The following CLASP1 variants were observed in gnomAD, a reference collection of about 807,000 sequenced individuals.
CLASP1 encodes cytoplasmic linker associated protein 1, also known as CLIP-associating protein 1.
Under a neutral mutation model 192.3 loss-of-function variants are expected in CLASP1, and 38 were observed. The observed-to-expected ratio is 0.20, with a 90% CI of 0.15 to 0.26. CLASP1 has a LOEUF of 0.26. Ranked by LOEUF, CLASP1 falls within the 10% of genes least tolerant of loss-of-function variation. CLASP1 has a pLI of 1.00. For synonymous variants in CLASP1, 691 were observed against 712.8 expected, an observed-to-expected ratio of 0.97 and a Z score of 0.49; for missense variants, 1,433 against 1,932.5, an observed-to-expected ratio of 0.74 and a Z score of 4.85.
At chr2:121,563,590 A>C (rs991237372) in intron 2 of CLASP1, among the ~76,000 whole-genome samples, 1 of 152,236 alleles carries the variant, frequency 6.6e-6, no homozygotes, top group Non-Finnish European at 1.5e-5. Flanking sequence ...AATCAAAAAT[A>C]AATTTGCTGC....
At chr2:121,527,631 C>T (rs540437710) in intron 5 of CLASP1, among the ~76,000 whole-genome samples, 168 bp downstream of exon 5, 10 of 152,246 alleles carry the variant, frequency 6.6e-5, no homozygotes, top group African/African-American at 1.7e-4. Flanking sequence ...GGTACTGATG[C>T]TGTACTATAG....
chr2:121,533,743 G>A (rs573506462), intron 2 of CLASP1, among the ~76,000 whole-genome samples: 3 of 152,104 alleles, frequency 2.0e-5, no homozygotes, highest in South Asian at 2.1e-4. Flanking sequence ...AATTATCTAC[G>A]TTTGTGCTTG....
At chr2:121,402,120 G>A (rs572619648) in intron 26 of CLASP1, among the ~76,000 whole-genome samples, 1 of 152,216 alleles carries the variant, frequency 6.6e-6, no homozygotes, top group African/African-American at 2.4e-5. Flanking sequence ...TAATTCTATA[G>A]TATTCTTATT....
chr2:121,627,907 A>G (rs1426823690), intron 1 of CLASP1, among the ~76,000 whole-genome samples: 1 of 152,194 alleles, frequency 6.6e-6, no homozygotes, highest in African/African-American at 2.4e-5. Context: ...AGGCTACTGA[A>G]AAGACAATTT....
chr2:121,622,774 G>A (rs1399434075), intron 1 of CLASP1, among the ~76,000 whole-genome samples: 3 of 152,026 alleles, frequency 2.0e-5, no homozygotes, highest in African/African-American at 7.2e-5. Flanking sequence ...GTTTTATAGT[G>A]CATTCCTTAG....
intron 19 of CLASP1, among the ~76,000 whole-genome samples, chr2:121,443,110 C>G (rs529867523): frequency 8.5e-5 from 13 of 152,270 alleles, no homozygotes; most frequent in Non-Finnish European, 1.5e-4. Flanking sequence ...AGCCCCAGTA[C>G]ACAAACACTG....
At chr2:121,442,592 G>C (rs2083535512) in intron 19 of CLASP1, among the ~76,000 whole-genome samples, 2 of 151,602 alleles carry the variant, frequency 1.3e-5, no homozygotes, top group Non-Finnish European at 2.9e-5. Context: ...CAATTCTCCT[G>C]TTTCAGCCTT....
intron 22 of CLASP1, among the ~76,000 whole-genome samples, chr2:121,422,393 C>T (rs557418938): frequency 1.3e-5 from 2 of 152,244 alleles, no homozygotes; most frequent in Admixed American, 6.5e-5. Flanking sequence ...TTAAAATACA[C>T]ATCCACAGAA....
intron 39 of CLASP1, among the ~76,000 whole-genome samples, chr2:121,345,518 T>C (rs1041037583): frequency 1.3e-5 from 2 of 152,220 alleles, no homozygotes; most frequent in African/African-American, 4.8e-5. Context: ...GTGAATTGTA[T>C]CATTGAAGGT....
chr2:121,633,489 A>G (rs1346573154), intron 1 of CLASP1, among the ~76,000 whole-genome samples: 1 of 152,248 alleles, frequency 6.6e-6, no homozygotes, highest in Non-Finnish European at 1.5e-5. Context: ...AATTCAAGTA[A>G]GGATATGAAA....
At chr2:121,532,002 G>A (rs1251761574) in intron 2 of CLASP1, among the ~76,000 whole-genome samples, 3 of 152,190 alleles carry the variant, frequency 2.0e-5, no homozygotes, top group Non-Finnish European at 4.4e-5. Flanking sequence ...CACAAAGCCG[G>A]GCACTGCCCA....
intron 11 of CLASP1, 93 bp from the exon 12 acceptor site, chr2:121,460,218 T>C: frequency 2.9e-6 from 3 of 1,040,390 alleles, no homozygotes; most frequent in South Asian, 2.1e-5. Context: ...AAGAGATCAT[T>C]GTTAAAGTTC....
chr2:121,388,014 GC>G (rs766718146), intron 30 of CLASP1, 108 bp from the exon 32 acceptor site: 174 of 784,758 alleles, frequency 2.2e-4, no homozygotes, highest in Non-Finnish European at 3.3e-4. Context: ...TAATAAGAGG[GC>G]ATTCTAGGCA....
chr2:121,481,100 A>G (rs1204327423), intron 8 of CLASP1, among the ~76,000 whole-genome samples: 4 of 152,228 alleles, frequency 2.6e-5, no homozygotes, highest in Non-Finnish European at 5.9e-5. Context: ...TCTCTGTACT[A>G]TATCAAAGGG....
chr2:121,478,839 AC>A (rs1489156621), intron 8 of CLASP1, among the ~76,000 whole-genome samples: 5 of 75,264 alleles, frequency 6.6e-5, no homozygotes, highest in African/African-American at 3.6e-4. Context: ...ACCACACACC[AC>A]ACACACACCA....
chr2:121,404,337 G>GTT (rs755609396), intron 26 of CLASP1, 34 bp downstream of exon 27: 2 of 1,605,706 alleles, frequency 1.2e-6, no homozygotes, highest in East Asian at 2.2e-5. Flanking sequence ...GACATGCAGG[G>GTT]GTAAAGACAG....
intron 2 of CLASP1, among the ~76,000 whole-genome samples, chr2:121,586,845 TC>T (rs1395801949): frequency 1.3e-5 from 2 of 152,162 alleles, no homozygotes; most frequent in Non-Finnish European, 2.9e-5. Context: ...CACTGCTTTC[TC>T]CCAGCTGCTC....
intron 8 of CLASP1, among the ~76,000 whole-genome samples, chr2:121,487,374 A>G (rs1434255524): frequency 6.6e-6 from 1 of 152,092 alleles, no homozygotes; most frequent in Non-Finnish European, 1.5e-5. Context: ...ACAGTGAAAA[A>G]GATTTTCTTA....
At chr2:121,397,030 AG>A in intron 30 of CLASP1, 109 bp downstream of exon 31, 1 of 993,340 alleles carries the variant, frequency 1.0e-6, no homozygotes, top group Non-Finnish European at 1.6e-6. Flanking sequence ...GCAGAGCCTT[AG>A]TGATATAGGT....
Sources: gnomAD v4.1 joint callset for allele counts (sites outside exome capture counted in the v4.1 genomes callset) on GRCh38, gnomAD v4.1.1 for gene constraint, MANE v1.5 for transcripts, NCBI Gene and HGNC (gene_info 2026-07-23, HGNC 2026-07-21) for gene names.